FHIT: variants seen among roughly 807,000 people sequenced by gnomAD.
FHIT encodes bis(5'-adenosyl)-triphosphatase.
Under a neutral mutation model 17.9 loss-of-function variants are expected in FHIT, and 19 were observed. The observed-to-expected ratio is 1.06, with a 90% CI of 0.74 to 1.56. The LOEUF is 1.56. FHIT is among the 40% of genes most tolerant of loss of function. The pLI is 0.00. For missense variants in FHIT, 248 were observed against 189.2 expected (o/e 1.31, Z -1.82); for synonymous variants, 81 against 69.7 (o/e 1.16, Z -0.81).
chr3:60,570,001 C>G (rs2037319312), intron 4 of FHIT, among the ~76,000 whole-genome samples: 1 of 151,944 alleles, frequency 6.6e-6, no homozygotes, highest in African/African-American at 2.4e-5. Flanking sequence ...ACAATCAATT[C>G]TAGAATGTTT....
chr3:60,959,125 T>C (rs1472164157), intron 3 of FHIT, among the ~76,000 whole-genome samples: 1 of 152,202 alleles, frequency 6.6e-6, no homozygotes, highest in Non-Finnish European at 1.5e-5. Flanking sequence ...GTATGCAGCA[T>C]TTATGATTAT....
intron 4 of FHIT, among the ~76,000 whole-genome samples, chr3:60,582,333 TG>T (rs1202691303): frequency 6.6e-6 from 1 of 152,110 alleles, no homozygotes; most frequent in African/African-American, 2.4e-5. Context: ...CAGAGCAGAC[TG>T]GTGGCATTCA....
intron 2 of FHIT, among the ~76,000 whole-genome samples, chr3:61,070,100 G>C (rs1309853009): frequency 2.0e-5 from 3 of 152,054 alleles, no homozygotes; most frequent in Non-Finnish European, 4.4e-5. Flanking sequence ...CACCATGTTG[G>C]CCAGGCTGGT....
chr3:60,450,614 G>A (rs1196662220), intron 5 of FHIT, among the ~76,000 whole-genome samples: 1 of 152,150 alleles, frequency 6.6e-6, no homozygotes, highest in Non-Finnish European at 1.5e-5. Flanking sequence ...ATGAGGAGCT[G>A]CAGGTCAGCT....
chr3:59,785,909 CA>C (rs1699262618), intron 8 of FHIT, among the ~76,000 whole-genome samples: 2 of 152,156 alleles, frequency 1.3e-5, no homozygotes, highest in South Asian at 4.1e-4. Flanking sequence ...AAATTTGAGT[CA>C]GTGCCCCACC....
chr3:60,443,407 G>T (rs2031068466), intron 5 of FHIT, among the ~76,000 whole-genome samples: 2 of 152,058 alleles, frequency 1.3e-5, no homozygotes, highest in South Asian at 2.1e-4. Flanking sequence ...TTGGCTGTGG[G>T]TTTGTCATAA....
At chr3:60,455,266 C>T (rs1442282460) in intron 5 of FHIT, among the ~76,000 whole-genome samples, 1 of 152,052 alleles carries the variant, frequency 6.6e-6, no homozygotes, top group Non-Finnish European at 1.5e-5. Context: ...TCTTCTTGAC[C>T]AAAGACTGAA....
chr3:59,829,853 C>A (rs1701105808), intron 8 of FHIT, among the ~76,000 whole-genome samples: 1 of 151,948 alleles, frequency 6.6e-6, no homozygotes, highest in African/African-American at 2.4e-5. Flanking sequence ...AAAATTGGCC[C>A]TAGAGAGCCA....
chr3:59,750,244 A>G (rs1170945902), intron 9 of FHIT: 4 of 224,820 alleles, frequency 1.8e-5, no homozygotes, highest in Non-Finnish European at 2.7e-5. Context: ...AAAGCATTCT[A>G]AGACAAAACT....
chr3:59,751,050 T>TC (rs1700868249), intron 9 of FHIT: 2 of 155,374 alleles, frequency 1.3e-5, no homozygotes, highest in Admixed American at 1.4e-4. Context: ...AAGAAACTAT[T>TC]TATAGGAGAG....
At chr3:60,956,235 T>C (rs989244284) in intron 3 of FHIT, among the ~76,000 whole-genome samples, 2 of 152,214 alleles carry the variant, frequency 1.3e-5, no homozygotes. Flanking sequence ...AAGATCCATT[T>C]AGTTATAAAA....
chr3:60,295,953 C>T (rs1016454845), intron 5 of FHIT, among the ~76,000 whole-genome samples: 1 of 152,022 alleles, frequency 6.6e-6, no homozygotes, highest in Non-Finnish European at 1.5e-5. Flanking sequence ...ATAATTAAAT[C>T]ACGGGGGTAG....
intron 2 of FHIT, among the ~76,000 whole-genome samples, chr3:61,175,627 C>T (rs1272015765): frequency 6.6e-6 from 1 of 152,098 alleles, no homozygotes; most frequent in East Asian, 1.9e-4. Flanking sequence ...GAGGGCGAGG[C>T]TCTCATGACT....
At chr3:60,271,236 C>CA (rs1005664469) in intron 5 of FHIT, among the ~76,000 whole-genome samples, 4 of 151,468 alleles carry the variant, frequency 2.6e-5, no homozygotes, top group Admixed American at 6.6e-5. Flanking sequence ...CCTGTCTCTC[C>CA]AAAAAAAACT....
At chr3:60,764,765 T>A (rs1164427335) in intron 4 of FHIT, among the ~76,000 whole-genome samples, 1 of 150,588 alleles carries the variant, frequency 6.6e-6, no homozygotes, top group African/African-American at 2.4e-5. Context: ...TATAATTACA[T>A]ATAATTAATA....
chr3:60,108,974 T>C (rs1704550413), intron 5 of FHIT, among the ~76,000 whole-genome samples: 1 of 152,178 alleles, frequency 6.6e-6, no homozygotes, highest in South Asian at 2.1e-4. Flanking sequence ...TTCCTTCTCT[T>C]TTCTAAGATT....
At chr3:61,077,303 G>A (rs1414653165) in intron 2 of FHIT, among the ~76,000 whole-genome samples, 3 of 152,116 alleles carry the variant, frequency 2.0e-5, no homozygotes, top group Admixed American at 2.0e-4. Flanking sequence ...CTATGGCTCA[G>A]GGTAAACACA....
At chr3:61,014,807 A>AAAAAAATAT (rs1553798839) in intron 3 of FHIT, among the ~76,000 whole-genome samples, 5 of 49,116 alleles carry the variant, frequency 1.0e-4, no homozygotes, top group South Asian at 7.9e-4. Flanking sequence ...AAAAAAAAAA[A>AAAAAAATAT]ATATATATAT....
At chr3:60,305,133 T>G (rs963023350) in intron 5 of FHIT, among the ~76,000 whole-genome samples, 6 of 150,326 alleles carry the variant, frequency 4.0e-5, no homozygotes, top group Admixed American at 3.3e-4. Flanking sequence ...TTTTTGTTCT[T>G]TTTTTTTAAA....
Sources: allele counts gnomAD v4.1 joint callset (sites outside exome capture counted in the v4.1 genomes callset), GRCh38; gene constraint gnomAD v4.1.1; transcripts MANE v1.5; gene names NCBI Gene and HGNC (gene_info 2026-07-23, HGNC 2026-07-21).